Variants in RABGAP1L observed in about 807,000 individuals in gnomAD.
RABGAP1L encodes rab GTPase-activating protein 1-like.
A neutral mutation model predicts 137.7 loss-of-function variants in RABGAP1L; 63 were observed. That is an observed-to-expected ratio of 0.46 (90% CI 0.37 to 0.56). The LOEUF is 0.56. RABGAP1L is among the 20% of genes least tolerant of loss of function. The pLI, the probability that RABGAP1L is intolerant of heterozygous loss-of-function variation, is 0.00. For missense variants in RABGAP1L, 1,095 were observed against 1,244.0 expected (o/e 0.88, Z 1.80); for synonymous variants, 431 against 433.7 (o/e 0.99, Z 0.08).
intron 19 of RABGAP1L, among the ~76,000 whole-genome samples, chr1:174,913,102 A>G (rs1365871677): frequency 6.6e-6 from 1 of 151,896 alleles, no homozygotes; most frequent in African/African-American, 2.4e-5. Flanking sequence ...CTGCCTCCCG[A>G]GTAGCTGGGA....
At chr1:174,811,489 A>G (rs536487013) in intron 18 of RABGAP1L, among the ~76,000 whole-genome samples, 6 of 152,310 alleles carry the variant, frequency 3.9e-5, no homozygotes, top group Non-Finnish European at 7.4e-5. Flanking sequence ...GATTAGTCCT[A>G]GAGTCCAGTT....
At chr1:174,572,279 T>G (rs996817060) in intron 13 of RABGAP1L, among the ~76,000 whole-genome samples, 5 of 152,190 alleles carry the variant, frequency 3.3e-5, no homozygotes, top group Non-Finnish European at 5.9e-5. Flanking sequence ...AATGAAGTAA[T>G]GTGAAAGTTC....
intron 19 of RABGAP1L, among the ~76,000 whole-genome samples, chr1:174,843,224 CTTT>C (rs60814405): frequency 1.5e-5 from 2 of 131,212 alleles, no homozygotes; most frequent in Non-Finnish European, 3.3e-5. Flanking sequence ...ATGTCACAGT[CTTT>C]TTTTTTTTTT....
chr1:174,195,048 A>G (rs773892434), intron 1 of RABGAP1L, among the ~76,000 whole-genome samples: 12 of 152,206 alleles, frequency 7.9e-5, no homozygotes, highest in Middle Eastern at 3.4e-3. Context: ...ATATTTGGAT[A>G]ATTATTTTCA....
chr1:174,795,158 T>C (rs1688153015), intron 18 of RABGAP1L, among the ~76,000 whole-genome samples: 2 of 152,060 alleles, frequency 1.3e-5, no homozygotes, highest in South Asian at 2.1e-4. Flanking sequence ...CTCTCTCTTA[T>C]TGGGTATGAA....
At chr1:174,851,003 A>G (rs1468979919) in intron 19 of RABGAP1L, among the ~76,000 whole-genome samples, 1 of 152,220 alleles carries the variant, frequency 6.6e-6, no homozygotes, top group Non-Finnish European at 1.5e-5. Flanking sequence ...TCAAGGAACT[A>G]CTAGCTCTGT....
rs1289247950 is a variant in RABGAP1L at position 174,892,399 on chromosome 1, T to TA, written c.2341-65056dup. On this transcript the variant is annotated intron_variant, in intron 19 of 25. Transcript: ENST00000681986. ...GTTTCTATTTCCAGCTCCACCACTA[T>TA]AATCCCTGGTTGAAGAAATATGAAT... 7.6e-6 allele frequency: 3 copies of TA among 396,298 alleles called. No individual in the cohort carries two copies. In the East Asian group the frequency reaches 2.2e-4, roughly 29 times the overall value. 24.5% of individuals were successfully genotyped at this position (396,298 alleles called of 1,614,324 possible). A position where few individuals can be genotyped will look rare whatever the true frequency, so the allele number is the denominator to read the frequency against.
chr1:174,202,256 C>T (rs1668169276), intron 1 of RABGAP1L, among the ~76,000 whole-genome samples: 1 of 152,152 alleles, frequency 6.6e-6, no homozygotes, highest in Non-Finnish European at 1.5e-5. Flanking sequence ...AACTAGTTTA[C>T]AGTCCCACCA....
At chr1:174,746,805 A>G (rs1683904296) in intron 17 of RABGAP1L, among the ~76,000 whole-genome samples, 1 of 152,236 alleles carries the variant, frequency 6.6e-6, no homozygotes, top group Non-Finnish European at 1.5e-5. Flanking sequence ...TGTGTATAAA[A>G]TGGAATTTTA....
At chr1:174,903,740 C>T (rs554115259) in intron 19 of RABGAP1L, among the ~76,000 whole-genome samples, 3 of 151,996 alleles carry the variant, frequency 2.0e-5, no homozygotes, top group South Asian at 2.1e-4. Context: ...CACCTGAGGT[C>T]GGGAATTTGA....
intron 13 of RABGAP1L, among the ~76,000 whole-genome samples, chr1:174,397,304 A>T (rs979070862): frequency 1.3e-5 from 2 of 152,218 alleles, no homozygotes; most frequent in Admixed American, 1.3e-4. Flanking sequence ...GGCAAAAGCC[A>T]TATTTTCTCT....
At chr1:174,540,463 T>C in intron 13 of RABGAP1L, among the ~76,000 whole-genome samples, 1 of 152,252 alleles carries the variant, frequency 6.6e-6, no homozygotes, top group Non-Finnish European at 1.5e-5. Flanking sequence ...GTTGAATTAA[T>C]TTTTGTATAA....
At chr1:174,698,224 A>C (rs1456613937) in intron 15 of RABGAP1L, among the ~76,000 whole-genome samples, 5 of 152,342 alleles carry the variant, frequency 3.3e-5, no homozygotes, top group African/African-American at 1.2e-4. Context: ...CTTTTTCTGT[A>C]TGCTTGGTGT....
intron 14 of RABGAP1L, among the ~76,000 whole-genome samples, chr1:174,653,802 A>G (rs1356678571): frequency 1.3e-5 from 2 of 152,248 alleles, no homozygotes; most frequent in South Asian, 2.1e-4. Context: ...GTTTGAGGGA[A>G]GAAGCTATCT....
At position 174,231,504 on chromosome 1, in the gene RABGAP1L, G is replaced by GT. The variant is rs1010852631; in HGVS notation, c.542+152dup. 52 of 704,772 alleles carry GT rather than the reference G, an allele frequency of 7.4e-5. No homozygotes were observed. The African/African-American group carries it at 8.8e-4, about 12-fold the overall frequency. The allele number at this position is 704,772 out of a possible 1,614,324, so 43.7% of individuals were successfully genotyped here. The stretch of plus-strand genomic sequence containing the variant: ...TGTTTAGGCTTAGACTGTGTTCATT[G>GT]TTTGAAAGGGGCATTTGAACAATTG... On this transcript the variant is annotated intron_variant, in intron 4 of 25. Transcript: ENST00000681986.
rs941410424 is a variant in RABGAP1L at position 174,238,541 on chromosome 1, T to G, written c.543-2942T>G. Among the ~76,000 whole-genome samples the G allele has an allele frequency of 3.3e-5, 5 of 152,048 alleles. No individual in the cohort carries two copies. The East Asian group carries it at 9.7e-4, about 29-fold the overall frequency. On this transcript the variant is annotated intron_variant, in intron 4 of 25. Transcript: ENST00000681986. ...AATACCCTGCAGTGTGAGGTGTCAG[T>G]GTGCCTCTGCTGGGGGGTGCCTCCC...
intron 17 of RABGAP1L, among the ~76,000 whole-genome samples, chr1:174,730,424 T>A (rs1420721410): frequency 6.6e-6 from 1 of 152,182 alleles, no homozygotes; most frequent in African/African-American, 2.4e-5. Context: ...TTATGCAATA[T>A]AGCCATGTAA....
At chr1:174,903,957 A>G (rs990337980) in intron 19 of RABGAP1L, among the ~76,000 whole-genome samples, 7 of 126,056 alleles carry the variant, frequency 5.6e-5, no homozygotes, top group African/African-American at 2.3e-4. Context: ...TCTCAAAAGA[A>G]AAAAAAAAAA....
intron 13 of RABGAP1L, among the ~76,000 whole-genome samples, chr1:174,577,590 A>G (rs1007530506): frequency 2.2e-4 from 34 of 152,148 alleles, no homozygotes; most frequent in Middle Eastern, 3.2e-3. Flanking sequence ...AGTCATTGGA[A>G]ATAATATGGC....
Sources: gnomAD v4.1 joint callset for allele counts (sites outside exome capture counted in the v4.1 genomes callset) on GRCh38, gnomAD v4.1.1 for gene constraint, MANE v1.5 for transcripts, NCBI Gene and HGNC (gene_info 2026-07-23, HGNC 2026-07-21) for gene names.